Variants in CTTNBP2 observed in about 807,000 individuals in gnomAD.
CTTNBP2 encodes cortactin-binding protein 2.
A neutral mutation model predicts 156.9 loss-of-function variants in CTTNBP2; 108 were observed. The ratio of observed to expected loss-of-function variants is 0.69; its 90% CI spans 0.59 to 0.81. The LOEUF (loss-of-function observed/expected upper bound fraction) is 0.81, where lower values mean the gene tolerates loss of function less well. CTTNBP2 is among the 30% of genes least tolerant of loss of function. The pLI is 0.00. For synonymous variants in CTTNBP2, 767 were observed against 751.8 expected, an observed-to-expected ratio of 1.02 and a Z score of -0.33; for missense variants, 1,924 against 2,035.4, an observed-to-expected ratio of 0.95 and a Z score of 1.05.
intron 16 of CTTNBP2, among the ~76,000 whole-genome samples, chr7:117,732,129 G>T (rs1250776364): frequency 6.6e-6 from 1 of 152,018 alleles, no homozygotes; most frequent in Non-Finnish European, 1.5e-5. Context: ...TAAAAGTAAG[G>T]TCTCAGATAA....
chr7:117,771,631 A>G (rs1797802399), intron 8 of CTTNBP2, among the ~76,000 whole-genome samples: 1 of 152,238 alleles, frequency 6.6e-6, no homozygotes, highest in Admixed American at 6.5e-5. Context: ...AAAGGACAAG[A>G]GTGACAGCAA....
intron 2 of CTTNBP2, among the ~76,000 whole-genome samples, chr7:117,851,539 A>G (rs1802928301): frequency 6.6e-6 from 1 of 152,166 alleles, no homozygotes; most frequent in Admixed American, 6.5e-5. Flanking sequence ...GGTTAACGTA[A>G]TCTCCCTTAG....
intron 16 of CTTNBP2, among the ~76,000 whole-genome samples, chr7:117,733,604 C>G (rs1248047234): frequency 6.6e-6 from 1 of 152,186 alleles, no homozygotes; most frequent in East Asian, 1.9e-4. Flanking sequence ...TGAGATCATA[C>G]AGTGGCTAGG....
At chr7:117,860,925 T>C (rs1252383194) in intron 2 of CTTNBP2, among the ~76,000 whole-genome samples, 1 of 152,170 alleles carries the variant, frequency 6.6e-6, no homozygotes, top group African/African-American at 2.4e-5. Flanking sequence ...CAAATAAACA[T>C]GTGAAACATA....
chr7:117,711,462 A>G lies in CTTNBP2; in HGVS notation c.*75T>C, dbSNP rs1160670257. On this transcript the variant is annotated 3_prime_UTR_variant, in exon 23 of 23. Transcript: ENST00000160373. ...CAGTGAAAACATTTTATCAATTTAAAGGTATTTGTATCTTGTTGTCCTTGG... is the reference window on the plus strand; with the variant it reads ...CAGTGAAAACATTTTATCAATTTAAGGGTATTTGTATCTTGTTGTCCTTGG... 2 of 1,423,378 alleles carry G rather than the reference A, an allele frequency of 1.4e-6. No homozygotes were observed. Among genetic ancestry groups the G allele is most frequent in the East Asian group, 2.3e-5 (1 of 43,780 alleles). 88.2% of individuals were successfully genotyped at this position (1,423,378 alleles called of 1,614,324 possible).
At chr7:117,743,761 C>CAAAAAAAAAA (rs556372208) in intron 14 of CTTNBP2, among the ~76,000 whole-genome samples, 3 of 19,638 alleles carry the variant, frequency 1.5e-4, no homozygotes, top group African/African-American at 4.5e-4. Context: ...GACTCTGTCT[C>CAAAAAAAAAA]AAAAAAAAAA....
chr7:117,782,973 A>G lies in CTTNBP2; in HGVS notation c.2273-12T>C, dbSNP rs1798513479. On this transcript the variant is annotated splice_polypyrimidine_tract_variant and intron_variant, in intron 5 of 22. Transcript: ENST00000160373. ...CAATCTCACACAGTCTATGGATTTTAATAGAAAGCCATGTAAATTCCCCAT... is the reference window on the plus strand; with the variant it reads ...CAATCTCACACAGTCTATGGATTTTGATAGAAAGCCATGTAAATTCCCCAT... 1.9e-6 allele frequency: 3 copies of G among 1,593,132 alleles called. No individual in the cohort carries two copies. The highest frequency in any genetic ancestry group is 1.7e-6 in the Non-Finnish European group (2 of 1,164,348).
At position 117,711,340 on chromosome 7, in the gene CTTNBP2, C is replaced by T. The variant is rs776364889; in HGVS notation, c.*197G>A. ...AACTTCCTGGTATTGAAGTTCAATC[C>T]TACAGAATTAAAAAAAAAAGCAACA... On this transcript the variant is annotated 3_prime_UTR_variant, in exon 23 of 23. Transcript: ENST00000160373. 13 of 543,862 alleles carry T rather than the reference C, an allele frequency of 2.4e-5. No homozygotes were observed. The highest frequency in any genetic ancestry group is 5.6e-5 in the South Asian group (2 of 35,724). 33.7% of individuals were successfully genotyped at this position (543,862 alleles called of 1,614,324 possible).
chr7:117,858,195 C>G (rs1051648702), intron 2 of CTTNBP2, among the ~76,000 whole-genome samples: 1 of 152,122 alleles, frequency 6.6e-6, no homozygotes, highest in African/African-American at 2.4e-5. Context: ...ACAGTGAAAC[C>G]CTGTCTCTAC....
At chr7:117,816,883 G>C (rs1209462631) in intron 2 of CTTNBP2, among the ~76,000 whole-genome samples, 3 of 152,110 alleles carry the variant, frequency 2.0e-5, no homozygotes, top group African/African-American at 7.2e-5. Context: ...CCTAAAAAAG[G>C]AAGAGCTGAA....
At chr7:117,866,494 A>G (rs1804209240) in intron 1 of CTTNBP2, among the ~76,000 whole-genome samples, 1 of 152,192 alleles carries the variant, frequency 6.6e-6, no homozygotes, top group South Asian at 2.1e-4. Context: ...ACCAACACCA[A>G]GAGCCTCTCT....
chr7:117,867,426 T>C (rs185487237), intron 1 of CTTNBP2, among the ~76,000 whole-genome samples: 5 of 152,296 alleles, frequency 3.3e-5, no homozygotes, highest in Admixed American at 3.3e-4. Context: ...GCCTTGTGCA[T>C]TTCCTCATAG....
chr7:117,750,809 T>C (rs933321874), intron 12 of CTTNBP2, among the ~76,000 whole-genome samples: 1 of 152,196 alleles, frequency 6.6e-6, no homozygotes, highest in Non-Finnish European at 1.5e-5. Flanking sequence ...GCTCTAAAGA[T>C]AGATACGTAG....
At chr7:117,786,302 A>T (rs1798696209) in intron 4 of CTTNBP2, 2 of 313,364 alleles carry the variant, frequency 6.4e-6, no homozygotes, top group Non-Finnish European at 1.3e-5. Flanking sequence ...CATAAAATTC[A>T]ATATTTATCT....
chr7:117,746,482 C>T lies in CTTNBP2; in HGVS notation c.3349-383G>A, dbSNP rs182490414. Among the ~76,000 whole-genome samples the T allele has an allele frequency of 2.5e-3, 385 of 152,094 alleles. 1 individual carries two copies. Among genetic ancestry groups the T allele is most frequent in the South Asian group, 5.6e-3 (27 of 4,812 alleles). On this transcript the variant is annotated intron_variant, in intron 12 of 22. Coordinates refer to ENST00000160373, the MANE Select transcript of CTTNBP2 (RefSeq NM_033427.3). ...TTTGTCAATGCTTATTTAGCTTGTT[C>T]GTGGTTAAAACAGTAATGCATTTCA...
At chr7:117,835,208 T>C (rs930135884) in intron 2 of CTTNBP2, among the ~76,000 whole-genome samples, 1 of 152,218 alleles carries the variant, frequency 6.6e-6, no homozygotes, top group African/African-American at 2.4e-5. Context: ...AGTCTCTCTC[T>C]GAGCCCTAAG....
chr7:117,719,089 A>G (rs554536340), intron 21 of CTTNBP2, among the ~76,000 whole-genome samples: 1 of 152,186 alleles, frequency 6.6e-6, no homozygotes, highest in Admixed American at 6.5e-5. Context: ...AATCCCAGCT[A>G]CTTGGGAGGC....
intron 9 of CTTNBP2, among the ~76,000 whole-genome samples, chr7:117,764,829 G>C (rs555330547): frequency 1.3e-5 from 2 of 152,316 alleles, no homozygotes; most frequent in South Asian, 2.1e-4. Flanking sequence ...ACACATGCAA[G>C]AGTACTTCTA....
At chr7:117,736,588 C>T (rs1004051771) in intron 14 of CTTNBP2, among the ~76,000 whole-genome samples, 9 of 152,174 alleles carry the variant, frequency 5.9e-5, no homozygotes, top group African/African-American at 2.2e-4. Flanking sequence ...CATATTTTCC[C>T]ATTCGTTTCA....
Sources: gnomAD v4.1 joint callset for allele counts (sites outside exome capture counted in the v4.1 genomes callset) on GRCh38, gnomAD v4.1.1 for gene constraint, MANE v1.5 for transcripts, NCBI Gene and HGNC (gene_info 2026-07-23, HGNC 2026-07-21) for gene names.